Variants in RRAS2 observed in about 807,000 individuals in gnomAD.
RRAS2 encodes the protein RAS related 2.
RRAS2 carries 7 observed loss-of-function variants against 27.6 expected under a neutral mutation model. That is an observed-to-expected ratio of 0.25 (90% CI 0.14 to 0.48). The LOEUF is 0.48. RRAS2 is among the 20% of genes least tolerant of loss of function. The pLI is 0.99. For synonymous variants in RRAS2, 86 were observed against 90.9 expected, an observed-to-expected ratio of 0.95 and a Z score of 0.31; for missense variants, 178 against 256.2, an observed-to-expected ratio of 0.69 and a Z score of 2.08.
At position 14,297,669 on chromosome 11, in the gene RRAS2, G is replaced by C. The variant is rs527622862; in HGVS notation, c.109-1814C>G. Among the ~76,000 whole-genome samples the C allele has an allele frequency of 1.3e-3, 198 of 152,124 alleles. 1 individual carries two copies. Among genetic ancestry groups the C allele is most frequent in the South Asian group, 2.5e-3 (12 of 4,816 alleles). On this transcript the variant is annotated intron_variant, in intron 1 of 5. Coordinates refer to ENST00000256196, the MANE Select transcript of RRAS2 (RefSeq NM_012250.6). ...CCTAGTTACTCCGGAGGCTGAGACAGAAGAACTGCTTGAGCCCAGGAGTTC... is the reference window on the plus strand; with the variant it reads ...CCTAGTTACTCCGGAGGCTGAGACACAAGAACTGCTTGAGCCCAGGAGTTC...
intron 1 of RRAS2, among the ~76,000 whole-genome samples, chr11:14,340,214 A>C (rs781791357): frequency 5.9e-5 from 9 of 151,436 alleles, no homozygotes; most frequent in Non-Finnish European, 1.3e-4. Flanking sequence ...TTTCTGCCTC[A>C]GCCTCCCAAG....
At chr11:14,354,335 C>T (rs1433482155) in intron 1 of RRAS2, 1 of 152,104 alleles carries the variant, frequency 6.6e-6, no homozygotes, top group Non-Finnish European at 1.5e-5. Context: ...TATAAACCTC[C>T]CTGTAAATTT....
chr11:14,286,215 G>GT (rs1849658031), intron 4 of RRAS2, among the ~76,000 whole-genome samples: 1 of 152,024 alleles, frequency 6.6e-6, no homozygotes, highest in Admixed American at 6.5e-5. Flanking sequence ...TTAATTATTT[G>GT]TTTCCTTATT....
At chr11:14,342,703 T>A (rs1260745763) in intron 1 of RRAS2, among the ~76,000 whole-genome samples, 1 of 152,228 alleles carries the variant, frequency 6.6e-6, no homozygotes, top group Non-Finnish European at 1.5e-5. Flanking sequence ...TCAAGGTTAA[T>A]ATTAAGAAAA....
upstream of RRAS2, among the ~76,000 whole-genome samples, chr11:14,362,549 C>T (rs1390820898): frequency 2.6e-5 from 4 of 151,862 alleles, no homozygotes; most frequent in Admixed American, 1.3e-4. Context: ...GTCACTCAAG[C>T]CAATTAAAGG....
chr11:14,328,681 T>C (rs1037397230), intron 1 of RRAS2, among the ~76,000 whole-genome samples: 3 of 151,930 alleles, frequency 2.0e-5, no homozygotes, highest in African/African-American at 4.8e-5. Context: ...TTTTTTTTTT[T>C]CAACAAGAGT....
intron 1 of RRAS2, among the ~76,000 whole-genome samples, chr11:14,337,528 TAGAA>T: frequency 6.6e-6 from 1 of 152,186 alleles, no homozygotes; most frequent in African/African-American, 2.4e-5. Context: ...CATAAGAATA[TAGAA>T]CAAAAAGATA....
chr11:14,323,174 C>T (rs963786427), intron 1 of RRAS2, among the ~76,000 whole-genome samples: 22 of 152,078 alleles, frequency 1.4e-4, no homozygotes, highest in Admixed American at 1.2e-3. Flanking sequence ...AGGCTGGGTA[C>T]AGTGGCTCAC....
chr11:14,309,078 A>G (rs1217232253), intron 1 of RRAS2, among the ~76,000 whole-genome samples: 2 of 151,678 alleles, frequency 1.3e-5, no homozygotes, highest in Non-Finnish European at 3.0e-5. Context: ...GGTGCCCCAT[A>G]AACAGGTAGG....
chr11:14,283,517 C>A (rs574270925), intron 4 of RRAS2, among the ~76,000 whole-genome samples: 1 of 152,068 alleles, frequency 6.6e-6, no homozygotes, highest in African/African-American at 2.4e-5. Flanking sequence ...TATAATTCAC[C>A]GGCAAATCTA....
chr11:14,306,037 C>T (rs996176739), intron 1 of RRAS2, among the ~76,000 whole-genome samples: 18 of 151,888 alleles, frequency 1.2e-4, no homozygotes, highest in African/African-American at 4.4e-4. Context: ...AGACTGAGAT[C>T]CTATCCCCCA....
At chr11:14,324,118 G>A (rs1848292160) in intron 1 of RRAS2, among the ~76,000 whole-genome samples, 1 of 151,780 alleles carries the variant, frequency 6.6e-6, no homozygotes, top group Non-Finnish European at 1.5e-5. Flanking sequence ...AGAAAATAAA[G>A]TGGTATACAA....
chr11:14,286,603 T>C (rs1554945065), intron 4 of RRAS2, among the ~76,000 whole-genome samples: 1 of 152,258 alleles, frequency 6.6e-6, no homozygotes, highest in East Asian at 1.9e-4. Flanking sequence ...CCCAGTTTAA[T>C]ATTCTATTCC....
intron 1 of RRAS2, among the ~76,000 whole-genome samples, chr11:14,319,399 C>T (rs1225114618): frequency 8.0e-6 from 1 of 124,890 alleles, no homozygotes; most frequent in Non-Finnish European, 1.6e-5. Context: ...TCGCCCAGGC[C>T]GGACTGCGGA....
At chr11:14,352,699 T>C (rs1554954933) in intron 1 of RRAS2, among the ~76,000 whole-genome samples, 2 of 151,948 alleles carry the variant, frequency 1.3e-5, no homozygotes, top group African/African-American at 4.8e-5. Flanking sequence ...ACAAAATCTG[T>C]TTCAATTTTA....
intron 1 of RRAS2, among the ~76,000 whole-genome samples, chr11:14,333,909 C>G (rs1330158306): frequency 6.6e-6 from 1 of 152,188 alleles, no homozygotes; most frequent in African/African-American, 2.4e-5. Context: ...GAATTACAGG[C>G]GTCAGCCATC....
At chr11:14,362,841 C>G (rs1225837774), upstream of RRAS2, among the ~76,000 whole-genome samples, 1 of 152,210 alleles carries the variant, frequency 6.6e-6, no homozygotes, top group Non-Finnish European at 1.5e-5. Flanking sequence ...CGGAGAGCCT[C>G]ACATCGCAGA....
At chr11:14,344,431 C>T (rs1848786708) in intron 1 of RRAS2, among the ~76,000 whole-genome samples, 1 of 152,144 alleles carries the variant, frequency 6.6e-6, no homozygotes, top group Admixed American at 6.5e-5. Flanking sequence ...GGGCAAATTT[C>T]CCTTAGTTGA....
At chr11:14,326,018 TG>T (rs1848348745) in intron 1 of RRAS2, among the ~76,000 whole-genome samples, 1 of 152,202 alleles carries the variant, frequency 6.6e-6, no homozygotes, top group African/African-American at 2.4e-5. Flanking sequence ...GAATTTAAGA[TG>T]TTTTTTAAGA....
Sources: gnomAD v4.1 joint callset for allele counts (sites outside exome capture counted in the v4.1 genomes callset) on GRCh38, gnomAD v4.1.1 for gene constraint, MANE v1.5 for transcripts, NCBI Gene and HGNC (gene_info 2026-07-23, HGNC 2026-07-21) for gene names.